DLG2: variants seen among roughly 807,000 people sequenced by gnomAD.
DLG2 encodes the protein disks large homolog 2.
DLG2 carries 45 observed loss-of-function variants against 132.5 expected under a neutral mutation model. That is an observed-to-expected ratio of 0.34 (90% CI 0.27 to 0.44). DLG2 has a LOEUF of 0.44. Among genes scored for constraint, DLG2 ranks in the 20% least tolerant of loss-of-function variants. The pLI is 1.00. For synonymous variants in DLG2, 424 were observed against 419.6 expected (o/e 1.01, Z -0.13); for missense variants, 1,045 against 1,196.9 (o/e 0.87, Z 1.87).
chr11:84,558,955 A>G (rs1426087525), intron 6 of DLG2, among the ~76,000 whole-genome samples: 1 of 152,168 alleles, frequency 6.6e-6, no homozygotes, highest in African/African-American at 2.4e-5. Flanking sequence ...TACCATCATT[A>G]GAGCTGTCAC....
chr11:84,998,735 A>C (rs1433688752), intron 6 of DLG2, among the ~76,000 whole-genome samples: 3 of 151,754 alleles, frequency 2.0e-5, no homozygotes, highest in Non-Finnish European at 4.4e-5. Context: ...GCCTCCCAAG[A>C]CCATAAGCGG....
intron 4 of DLG2, among the ~76,000 whole-genome samples, chr11:85,156,041 A>T (rs544198208): frequency 6.7e-4 from 102 of 152,218 alleles, no homozygotes; most frequent in Non-Finnish European, 1.9e-4. Flanking sequence ...GGAGTGGGTG[A>T]ACAGAAATTT....
rs559757999 is a variant in DLG2 at position 83,665,641 on chromosome 11, A to C, written c.1826-32316T>G. The stretch of plus-strand genomic sequence containing the variant: ...GCTTACCATTTTCTTTTATCTTTTT[A>C]AATGTTACTTTAACTACAATAATAA... On this transcript the variant is annotated intron_variant, in intron 18 of 27. Coordinates refer to ENST00000376104, the MANE Select transcript of DLG2 (RefSeq NM_001142699.3). Among the ~76,000 whole-genome samples, 3 of 152,334 alleles carry C rather than the reference A, an allele frequency of 2.0e-5. No individual in the cohort carries two copies. The East Asian group carries it at 5.8e-4, about 29-fold the overall frequency.
At chr11:83,854,990 C>T (rs1257382978) in intron 16 of DLG2, among the ~76,000 whole-genome samples, 9 of 151,968 alleles carry the variant, frequency 5.9e-5, no homozygotes, top group Admixed American at 2.6e-4. Flanking sequence ...AACTGACAAA[C>T]AACTCAACTA....
chr11:83,828,371 C>A (rs1285044031), intron 17 of DLG2, among the ~76,000 whole-genome samples: 1 of 152,154 alleles, frequency 6.6e-6, no homozygotes, highest in Non-Finnish European at 1.5e-5. Flanking sequence ...CCAGCCTGTG[C>A]AACACAGCCA....
chr11:83,855,451 T>C (rs972090158), intron 16 of DLG2, among the ~76,000 whole-genome samples: 2 of 152,128 alleles, frequency 1.3e-5, no homozygotes, highest in Non-Finnish European at 2.9e-5. Flanking sequence ...AATGGATAAA[T>C]ACACTGTGGT....
chr11:84,667,846 C>T (rs1192665408), intron 6 of DLG2, among the ~76,000 whole-genome samples: 2 of 151,912 alleles, frequency 1.3e-5, no homozygotes, highest in Non-Finnish European at 2.9e-5. Flanking sequence ...AAAATTTATC[C>T]TTGTGTCCCC....
intron 3 of DLG2, among the ~76,000 whole-genome samples, chr11:85,458,992 T>C (rs768853881): frequency 6.6e-6 from 1 of 152,156 alleles, no homozygotes; most frequent in South Asian, 2.1e-4. Context: ...ATCAGTGCAA[T>C]TGGCCCTGGA....
chr11:84,195,365 C>CG (rs2096496710), intron 8 of DLG2, among the ~76,000 whole-genome samples: 1 of 152,106 alleles, frequency 6.6e-6, no homozygotes, highest in Admixed American at 6.5e-5. Flanking sequence ...GGGTTTCACC[C>CG]ATGTTGGCCA....
At chr11:83,494,159 G>C (rs1270932736) in intron 21 of DLG2, among the ~76,000 whole-genome samples, 1 of 151,826 alleles carries the variant, frequency 6.6e-6, no homozygotes, top group Non-Finnish European at 1.5e-5. Flanking sequence ...AGCTGCTCTG[G>C]CAGGTATTAC....
intron 6 of DLG2, among the ~76,000 whole-genome samples, chr11:84,731,265 A>C (rs2063118462): frequency 6.6e-6 from 1 of 152,012 alleles, no homozygotes; most frequent in African/African-American, 2.4e-5. Flanking sequence ...GTTACTAATT[A>C]CATACTTTGA....
intron 3 of DLG2, among the ~76,000 whole-genome samples, chr11:85,315,393 C>A (rs2080592593): frequency 1.3e-5 from 2 of 151,926 alleles, no homozygotes; most frequent in Admixed American, 6.6e-5. Context: ...GCAAGGACTC[C>A]CTGCATACCA....
chr11:84,181,352 T>C (rs113207083), intron 8 of DLG2, among the ~76,000 whole-genome samples: 1 of 151,564 alleles, frequency 6.6e-6, no homozygotes, highest in African/African-American at 2.4e-5. Context: ...AGAAGAAGTA[T>C]AATTGATATA....
chr11:84,985,657 A>T (rs911467527), intron 6 of DLG2, among the ~76,000 whole-genome samples: 1 of 152,114 alleles, frequency 6.6e-6, no homozygotes, highest in Non-Finnish European at 1.5e-5. Context: ...AACTGAAACA[A>T]AATTAAAGCA....
intron 3 of DLG2, among the ~76,000 whole-genome samples, chr11:85,585,284 T>C (rs772685291): frequency 7.9e-5 from 12 of 152,226 alleles, no homozygotes; most frequent in Non-Finnish European, 1.6e-4. Flanking sequence ...TATGTTGTTG[T>C]TCGCTTTGTC....
intron 6 of DLG2, among the ~76,000 whole-genome samples, chr11:85,088,517 C>G (rs1479531029): frequency 6.6e-6 from 1 of 152,116 alleles, no homozygotes; most frequent in Non-Finnish European, 1.5e-5. Flanking sequence ...TTACAATAAT[C>G]TGGTAGGACT....
chr11:85,041,575 T>A (rs369426334), intron 6 of DLG2, among the ~76,000 whole-genome samples: 4 of 151,840 alleles, frequency 2.6e-5, no homozygotes, highest in African/African-American at 7.2e-5. Context: ...GGCTTCCACA[T>A]AGAAAATGTT....
At chr11:84,708,338 T>G (rs2059993113) in intron 6 of DLG2, among the ~76,000 whole-genome samples, 1 of 151,878 alleles carries the variant, frequency 6.6e-6, no homozygotes, top group Non-Finnish European at 1.5e-5. Context: ...TTGAGAATAC[T>G]TTCTAAATTG....
intron 19 of DLG2, among the ~76,000 whole-genome samples, chr11:83,548,048 C>T (rs2141894540): frequency 6.6e-6 from 1 of 152,170 alleles, no homozygotes; most frequent in South Asian, 2.1e-4. Flanking sequence ...AGGGTGACAG[C>T]TCAAATGGAA....
Sources: allele counts gnomAD v4.1 joint callset (sites outside exome capture counted in the v4.1 genomes callset), GRCh38; gene constraint gnomAD v4.1.1; transcripts MANE v1.5; gene names NCBI Gene and HGNC (gene_info 2026-07-23, HGNC 2026-07-21).